Variants in ARID1B observed in about 807,000 individuals in gnomAD.
ARID1B encodes AT-rich interaction domain 1B.
Under a neutral mutation model 212.3 loss-of-function variants are expected in ARID1B, and 30 were observed. The ratio of observed to expected loss-of-function variants is 0.14; its 90% CI spans 0.11 to 0.19. The LOEUF is 0.19. Among genes scored for constraint, ARID1B ranks in the 10% least tolerant of loss-of-function variants. The pLI is 1.00. For synonymous variants in ARID1B, 1,402 were observed against 1,301.7 expected (o/e 1.08, Z -1.66); for missense variants, 2,891 against 3,204.0 (o/e 0.90, Z 2.36).
At chr6:157,163,829 C>T (rs955663376) in intron 8 of ARID1B, among the ~76,000 whole-genome samples, 1 of 152,244 alleles carries the variant, frequency 6.6e-6, no homozygotes, top group Non-Finnish European at 1.5e-5. Flanking sequence ...TGCCAGGAGC[C>T]AGGCACTTGG....
At chr6:156,950,045 A>G (rs1017237068) in intron 4 of ARID1B, among the ~76,000 whole-genome samples, 3 of 152,216 alleles carry the variant, frequency 2.0e-5, no homozygotes, top group African/African-American at 7.2e-5. Flanking sequence ...TAATTCGGAA[A>G]TGTGATGTTA....
chr6:156,896,055 C>CT (rs1005231781), intron 2 of ARID1B, among the ~76,000 whole-genome samples: 8 of 152,140 alleles, frequency 5.3e-5, no homozygotes, highest in Non-Finnish European at 1.0e-4. Context: ...CGTCTTACTC[C>CT]TTTTTTACTA....
At chr6:157,061,331 A>T (rs1335947460) in intron 4 of ARID1B, among the ~76,000 whole-genome samples, 1 of 152,224 alleles carries the variant, frequency 6.6e-6, no homozygotes, top group African/African-American at 2.4e-5. Context: ...AGCGGTGAAG[A>T]TAGAGTTACA....
At chr6:156,942,093 TCAAC>T in intron 4 of ARID1B, 1 of 152,324 alleles carries the variant, frequency 6.6e-6, no homozygotes, top group African/African-American at 2.4e-5. Flanking sequence ...GAAATGAATT[TCAAC>T]CCATTTTATA....
intron 4 of ARID1B, among the ~76,000 whole-genome samples, chr6:157,015,543 A>G (rs1431115301): frequency 1.3e-5 from 2 of 152,210 alleles, no homozygotes; most frequent in Non-Finnish European, 2.9e-5. Context: ...GCTCAAGAAA[A>G]GTGCGAAGAC....
In ARID1B at chr6:156,812,830, C is replaced by T. The variant is rs1781644711; in HGVS notation, c.1792-16397C>T. Among the ~76,000 whole-genome samples, 4 of 146,898 alleles carry T rather than the reference C, an allele frequency of 2.7e-5. No homozygotes were observed. In the East Asian group the frequency reaches 6.0e-4, roughly 22 times the overall value. On this transcript the variant is annotated intron_variant, in intron 1 of 19. Transcript: ENST00000636930. ...CTCGACTTTTCCTACAGATCCTCAA[C>T]AGTTGAGATTATTTTATCAAGCTCC... is the stretch of plus-strand genomic sequence containing the variant.
In ARID1B at chr6:157,188,772, C is replaced by T. The variant is rs190308066; in HGVS notation, c.3920-870C>T. Among the ~76,000 whole-genome samples the T allele has an allele frequency of 2.6e-5, 4 of 152,298 alleles. No homozygotes were observed. In the East Asian group the frequency reaches 5.8e-4, roughly 22 times the overall value. ...TTATTAAGTATTTGTTTAATTCACA[C>T]ATGAAACCAGTATCTATTGATGATC... On this transcript the variant is annotated intron_variant, in intron 13 of 19. Coordinates refer to ENST00000636930, the MANE Select transcript of ARID1B (RefSeq NM_001374828.1).
intron 4 of ARID1B, among the ~76,000 whole-genome samples, chr6:156,999,029 G>A (rs369779157): frequency 6.6e-6 from 1 of 152,192 alleles, no homozygotes; most frequent in Admixed American, 6.5e-5. Context: ...TCTCTCTTCA[G>A]TGGTGACTTT....
intron 9 of ARID1B, 152 bp from the exon 10 acceptor site, chr6:157,173,856 T>C (rs1791892631): frequency 1.6e-6 from 1 of 617,468 alleles, no homozygotes; most frequent in East Asian, 2.9e-5. Flanking sequence ...ATTTCAGAAA[T>C]TAATATGCTC....
intron 2 of ARID1B, among the ~76,000 whole-genome samples, chr6:156,832,871 A>ATC (rs1240740432): frequency 6.6e-6 from 1 of 152,120 alleles, no homozygotes; most frequent in East Asian, 1.9e-4. Context: ...TCGTGACTGG[A>ATC]TCTTTGAAGC....
intron 7 of ARID1B, among the ~76,000 whole-genome samples, chr6:157,147,045 G>C (rs1450204869): frequency 6.6e-6 from 1 of 152,054 alleles, no homozygotes; most frequent in Non-Finnish European, 1.5e-5. Flanking sequence ...GAATTCATTG[G>C]TGCAAAGCAC....
chr6:156,974,427 C>T (rs1270462756), intron 4 of ARID1B, among the ~76,000 whole-genome samples: 1 of 152,010 alleles, frequency 6.6e-6, no homozygotes, highest in East Asian at 1.9e-4. Flanking sequence ...GGTTAATGTA[C>T]CTGAAAAGCC....
At chr6:156,991,577 A>G (rs919160157) in intron 4 of ARID1B, among the ~76,000 whole-genome samples, 1 of 152,218 alleles carries the variant, frequency 6.6e-6, no homozygotes, top group Non-Finnish European at 1.5e-5. Context: ...GTACCAAATC[A>G]GAATTAGAGA....
At chr6:157,085,587 AT>A (rs1784913969) in intron 5 of ARID1B, among the ~76,000 whole-genome samples, 2 of 152,186 alleles carry the variant, frequency 1.3e-5, no homozygotes, top group East Asian at 3.8e-4. Flanking sequence ...GACTTCATCC[AT>A]TCAAGTCTAC....
chr6:156,829,233 C>T lies in ARID1B; in HGVS notation c.1798C>T (p.Pro600Ser), dbSNP rs1196211007. ...TTCTTTTATGTCTTCACAGGGCAGC[C>T]CAATGGATCCAATGGTGATGAAGAG... is the stretch of plus-strand genomic sequence containing the variant. Reference protein sequence around the residue: ...GPTMGRSQGSPMDPMVMKRPQ... With the variant: ...GPTMGRSQGSSMDPMVMKRPQ... Residue 600 changes from proline (P) to serine (S), a missense_variant, in exon 2 of 20, where the codon CCA (proline) becomes TCA (serine). Around this residue, in one of 7 missense-constraint regions of ARID1B, gnomAD observed 1,643 missense variants for 1,544.0 expected, o/e 1.06. Transcript: ENST00000636930. The T allele has an allele frequency of 1.9e-6, 3 of 1,611,578 alleles. No homozygotes were observed. Among genetic ancestry groups the T allele is most frequent in the Middle Eastern group, 3.3e-4 (2 of 6,044 alleles).
intron 3 of ARID1B, among the ~76,000 whole-genome samples, chr6:156,917,300 G>A (rs1214475705): frequency 2.6e-5 from 4 of 152,180 alleles, no homozygotes; most frequent in African/African-American, 9.7e-5. Context: ...ATTTACCTCA[G>A]GGTCTGTTGG....
At chr6:156,791,360 C>T (rs149505176) in intron 1 of ARID1B, among the ~76,000 whole-genome samples, 1 of 152,326 alleles carries the variant, frequency 6.6e-6, no homozygotes, top group Non-Finnish European at 1.5e-5. Flanking sequence ...ATGTGTATGG[C>T]ATCACATGAT....
intron 6 of ARID1B, among the ~76,000 whole-genome samples, chr6:157,112,345 A>G (rs1282848797): frequency 6.6e-6 from 1 of 151,754 alleles, no homozygotes; most frequent in African/African-American, 2.4e-5. Context: ...GTGCCAAGCA[A>G]GCGTGATTCT....
intron 2 of ARID1B, among the ~76,000 whole-genome samples, chr6:156,877,471 C>T (rs1786653155): frequency 6.6e-6 from 1 of 152,150 alleles, no homozygotes; most frequent in African/African-American, 2.4e-5. Flanking sequence ...TTCTTCCTTG[C>T]CTGCTGGCTC....
Sources: gnomAD v4.1 joint callset for allele counts (sites outside exome capture counted in the v4.1 genomes callset) on GRCh38, gnomAD v4.1.1 for gene constraint, gnomAD v4.1.1 regional missense constraint, MANE v1.5 for transcripts, NCBI Gene and HGNC (gene_info 2026-07-23, HGNC 2026-07-21) for gene names.